The following PCDHGA2 variants were observed in gnomAD, a reference collection of about 807,000 sequenced individuals.
PCDHGA2 encodes protocadherin gamma subfamily A, 2, also known as protocadherin gamma-A2.
PCDHGA2 carries 40 observed loss-of-function variants against 59.2 expected under a neutral mutation model. That is an observed-to-expected ratio of 0.68 (90% CI 0.52 to 0.88). The LOEUF (loss-of-function observed/expected upper bound fraction) is 0.88. Ranked by LOEUF, PCDHGA2 falls within the 40% of genes least tolerant of loss-of-function variation. The pLI is 0.00. For missense variants in PCDHGA2, 1,226 were observed against 1,204.0 expected, an observed-to-expected ratio of 1.02 and a Z score of -0.27; for synonymous variants, 560 against 526.0, an observed-to-expected ratio of 1.06 and a Z score of -0.89.
At chr5:141,421,173 C>A in intron 1 of PCDHGA2, 2 of 1,377,172 alleles carry the variant, frequency 1.5e-6, no homozygotes, top group Non-Finnish European at 9.7e-7. Context: ...GATACATAAG[C>A]CGATTCACAA....
At chr5:141,492,265 G>C (rs1363279754) in intron 1 of PCDHGA2, among the ~76,000 whole-genome samples, 1 of 152,180 alleles carries the variant, frequency 6.6e-6, no homozygotes, top group Non-Finnish European at 1.5e-5. Flanking sequence ...CAAGTTGCAC[G>C]GGCTCGCCAC....
intron 1 of PCDHGA2, chr5:141,423,206 C>A: frequency 6.2e-7 from 1 of 1,613,668 alleles, no homozygotes. Context: ...GCCACCGTCA[C>A]GCTCACCGTG....
Position 141,487,532 on chromosome 5 carries a change from A to T in PCDHGA2, c.2425-7275A>T. 6.2e-7 allele frequency: 1 copy of T among 1,614,158 alleles called. No homozygotes were observed. The highest frequency in any genetic ancestry group is 8.5e-7 in the Non-Finnish European group (1 of 1,180,022). ...ACCCACTCGGAGTGATAGCTTCATG[A>T]TGGTGAAGTCACCCAGTGCACCTAT... is the stretch of plus-strand genomic sequence containing the variant. On this transcript the variant is annotated intron_variant, in intron 1 of 3. Transcript: ENST00000394576. This position sits in a 1 kb window ranked among gnomAD's most constrained non-coding sequence, Gnocchi z 5.0.
intron 1 of PCDHGA2, among the ~76,000 whole-genome samples, chr5:141,380,852 C>A (rs1429709070): frequency 6.6e-6 from 1 of 152,182 alleles, no homozygotes; most frequent in Non-Finnish European, 1.5e-5. Context: ...TGGATCAAGA[C>A]ATTGAGAGCT....
intron 1 of PCDHGA2, chr5:141,393,714 A>G: frequency 6.2e-7 from 1 of 1,613,878 alleles, no homozygotes; most frequent in South Asian, 1.1e-5. Flanking sequence ...TACTGGGGAA[A>G]TATCAATAGC....
In PCDHGA2 at chr5:141,432,293, G is replaced by C. The variant is rs765631138; in HGVS notation, c.2425-62514G>C. Reference sequence around the variant, plus strand: ...CTACGTGTCCATCAACTCCGACACTGGGGTACTGTATGCGCTGAGCTCCTT... The same window carrying C: ...CTACGTGTCCATCAACTCCGACACTCGGGTACTGTATGCGCTGAGCTCCTT... On this transcript the variant is annotated intron_variant, in intron 1 of 3. Coordinates refer to ENST00000394576, the MANE Select transcript of PCDHGA2 (RefSeq NM_018915.4). This position sits in a 1 kb window ranked among gnomAD's most constrained non-coding sequence, Gnocchi z 6.0. 6.2e-7 allele frequency: 1 copy of C among 1,614,254 alleles called. No individual in the cohort carries two copies.
chr5:141,363,581 A>G (rs1484863484), intron 1 of PCDHGA2, among the ~76,000 whole-genome samples: 2 of 152,266 alleles, frequency 1.3e-5, no homozygotes, highest in Non-Finnish European at 2.9e-5. Flanking sequence ...AAAAATGCAT[A>G]GTTAACCCAA....
chr5:141,417,285 A>C (rs913143514), intron 1 of PCDHGA2: 2 of 152,254 alleles, frequency 1.3e-5, no homozygotes, highest in African/African-American at 4.8e-5. Flanking sequence ...AAGGAACAAG[A>C]ATGACTGCCT....
chr5:141,384,206 C>T (rs887307433), intron 1 of PCDHGA2: 1 of 1,613,928 alleles, frequency 6.2e-7, no homozygotes. Context: ...TCCAGGGAAA[C>T]TCACATATTC....
At chr5:141,346,459 T>C in intron 1 of PCDHGA2, 1 of 1,614,154 alleles carries the variant, frequency 6.2e-7, no homozygotes, top group South Asian at 1.1e-5. Flanking sequence ...CTACTTCAGG[T>C]GAGTTTATTT....
chr5:141,503,671 A>G (rs1028896082), intron 2 of PCDHGA2, among the ~76,000 whole-genome samples: 2 of 151,950 alleles, frequency 1.3e-5, no homozygotes, highest in Non-Finnish European at 2.9e-5. Flanking sequence ...AACTCTTCCC[A>G]CTTTTGGGAA....
chr5:141,423,082 G>T (rs1390567548), intron 1 of PCDHGA2: 3 of 1,614,078 alleles, frequency 1.9e-6, no homozygotes, highest in Non-Finnish European at 2.5e-6. Context: ...GGGACTCTTC[G>T]CGGTGGGGGA....
chr5:141,374,244 T>C, intron 1 of PCDHGA2: 3 of 1,613,992 alleles, frequency 1.9e-6, no homozygotes, highest in Non-Finnish European at 2.5e-6. Context: ...GATCTGGGAC[T>C]GGAGCCCCAG....
intron 1 of PCDHGA2, chr5:141,376,677 T>TTTG: frequency 3.8e-5 from 4 of 105,314 alleles, no homozygotes; most frequent in Non-Finnish European, 3.0e-5. Context: ...GAGGGTATCG[T>TTTG]TTTTTTTTTT....
chr5:141,405,261 T>TC, intron 1 of PCDHGA2: 1 of 1,613,852 alleles, frequency 6.2e-7, no homozygotes. Context: ...CACCTGATCT[T>TC]CCCCCAGCCC....
intron 2 of PCDHGA2, among the ~76,000 whole-genome samples, chr5:141,495,587 C>T (rs1391263118): frequency 6.6e-6 from 1 of 152,238 alleles, no homozygotes. Context: ...TTCTCCATCT[C>T]TGTCTTAGCT....
rs370966840 is a variant in PCDHGA2 at position 141,360,786 on chromosome 5, C to T, written c.2424+19391C>T. ...AATTGGTCCTCACAGCTGTGGATGG[C>T]GGAGACCCACCTCAAAGTGGCACGA... On this transcript the variant is annotated intron_variant, in intron 1 of 3. Coordinates refer to ENST00000394576, the MANE Select transcript of PCDHGA2 (RefSeq NM_018915.4). The T allele has an allele frequency of 1.7e-3, 2,804 of 1,612,498 alleles. 7 individuals carry two copies. The highest frequency in any genetic ancestry group is 2.1e-3 in the Non-Finnish European group (2,428 of 1,179,770).
At chr5:141,408,213 G>A in intron 1 of PCDHGA2, 1 of 1,554,970 alleles carries the variant, frequency 6.4e-7, no homozygotes, top group South Asian at 1.2e-5. Flanking sequence ...ATGGGAGGGA[G>A]CTGCGCGCAG....
At chr5:141,504,500 GAGTGGATCT>G (rs2099838791) in intron 2 of PCDHGA2, among the ~76,000 whole-genome samples, 1 of 152,072 alleles carries the variant, frequency 6.6e-6, no homozygotes, top group Non-Finnish European at 1.5e-5. Context: ...TGCCCAGTCT[GAGTGGATCT>G]CCTCTGATAT....
Sources: allele counts gnomAD v4.1 joint callset (sites outside exome capture counted in the v4.1 genomes callset), GRCh38; gene constraint gnomAD v4.1.1; non-coding constraint Gnocchi (gnomAD v3.1); transcripts MANE v1.5; gene names NCBI Gene and HGNC (gene_info 2026-07-23, HGNC 2026-07-21).